BSN: variants seen among roughly 807,000 people sequenced by gnomAD.
The protein encoded by BSN is protein bassoon.
BSN carries 57 observed loss-of-function variants against 264.8 expected under a neutral mutation model. The observed-to-expected ratio is 0.22, with a 90% confidence interval of 0.17 to 0.27. BSN has a LOEUF of 0.27. Ranked by LOEUF, BSN falls within the 10% of genes least tolerant of loss-of-function variation. The probability of loss-of-function intolerance (pLI) is 1.00; values close to 1 mark genes in which losing one functional copy is unlikely to be tolerated. For missense variants in BSN, 4,615 were observed against 5,232.5 expected (o/e 0.88, Z 3.64); for synonymous variants, 2,059 against 2,137.3 (o/e 0.96, Z 1.01).
At position 49,653,174 on chromosome 3, in the gene BSN, A is replaced by C; in HGVS notation, c.3618A>C (p.Ala1206=). 7.4e-6 allele frequency: 12 copies of C among 1,612,118 alleles called. No individual in the cohort carries two copies. Among genetic ancestry groups the C allele is most frequent in the Non-Finnish European group, 1.0e-5 (12 of 1,179,634 alleles). ...ELLQRQQGQA[A]GARGPHGGPS... The stretch of plus-strand genomic sequence containing the variant: ...TCCAGAGGCAGCAAGGCCAGGCAGC[A>C]GGGGCCCGGGGACCCCATGGCGGCC... Residue 1206 remains alanine, a synonymous_variant, in exon 5 of 12, where the codon GCA becomes GCC. Transcript: ENST00000296452. This position sits in a 1 kb window ranked among gnomAD's most constrained non-coding sequence, Gnocchi z 6.3.
At chr3:49,628,021 C>G (rs572619607) in intron 2 of BSN, among the ~76,000 whole-genome samples, 32 of 152,296 alleles carry the variant, frequency 2.1e-4, no homozygotes, top group Non-Finnish European at 4.1e-4. Context: ...GGCGTGTCGG[C>G]AGGATGCGTT....
chr3:49,577,161 A>G (rs141910402), intron 1 of BSN, among the ~76,000 whole-genome samples: 2 of 152,278 alleles, frequency 1.3e-5, no homozygotes, highest in Non-Finnish European at 2.9e-5. Flanking sequence ...GCTACTAATT[A>G]TGTCCTGCTC....
At chr3:49,607,043 T>C (rs1183644767) in intron 1 of BSN, among the ~76,000 whole-genome samples, 1 of 152,148 alleles carries the variant, frequency 6.6e-6, no homozygotes, top group Admixed American at 6.5e-5. Flanking sequence ...CAGACCCCCA[T>C]GCACTTGCCT....
In BSN at chr3:49,669,335, C is replaced by G. The variant is rs746898167; in HGVS notation, c.*1850C>G. On this transcript the variant is annotated 3_prime_UTR_variant, in exon 12 of 12. Transcript: ENST00000296452. The stretch of plus-strand genomic sequence containing the variant: ...GGTAAAAAGGAATCCCCAGAGCAGA[C>G]GCAATGGTAGGAGCCTGCACAGGAT... The G allele has an allele frequency of 6.5e-6, 1 of 152,692 alleles. No homozygotes were observed. Among genetic ancestry groups the G allele is most frequent in the Non-Finnish European group, 1.5e-5 (1 of 68,082 alleles). The allele number at this position is 152,692 out of a possible 1,614,324, so 9.5% of individuals were successfully genotyped here.
At chr3:49,604,601 T>TA (rs886662672) in intron 1 of BSN, among the ~76,000 whole-genome samples, 1 of 152,194 alleles carries the variant, frequency 6.6e-6, no homozygotes, top group African/African-American at 2.4e-5. Context: ...ACACTTTTTT[T>TA]ACCCATTCAT....
chr3:49,602,903 C>G lies in BSN; in HGVS notation c.225-22072C>G, dbSNP rs552329364. On this transcript the variant is annotated intron_variant, in intron 1 of 11. Coordinates refer to ENST00000296452, the MANE Select transcript of BSN (RefSeq NM_003458.4). ...CTCCTCTCTTCTGCACACTCTGCCCCTTCTTCAGATCACGCTCATGGGCAG... is the reference window on the plus strand; with the variant it reads ...CTCCTCTCTTCTGCACACTCTGCCCGTTCTTCAGATCACGCTCATGGGCAG... Among the ~76,000 whole-genome samples, 22 of 152,350 alleles carry G rather than the reference C, an allele frequency of 1.4e-4. No individual in the cohort carries two copies. The East Asian group carries it at 4.2e-3, about 29-fold the overall frequency.
chr3:49,641,231 C>T (rs1409899370), intron 2 of BSN, among the ~76,000 whole-genome samples: 1 of 152,274 alleles, frequency 6.6e-6, no homozygotes, highest in East Asian at 1.9e-4. Context: ...GGAATGAAGT[C>T]ATCAGATCTA....
At position 49,625,418 on chromosome 3, in the gene BSN, C is replaced by G; in HGVS notation, c.633+35C>G. ...TCTGCGCCGGCTCCCCACTCACCTG[C>G]TACCTCATTACCATACCTCCCCTGG... On this transcript the variant is annotated intron_variant, in intron 2 of 11. Coordinates refer to ENST00000296452, the MANE Select transcript of BSN (RefSeq NM_003458.4). The surrounding 1 kb of genome is among the most constrained non-coding windows in gnomAD (Gnocchi z 4.4). 1 of 1,434,670 alleles carries G rather than the reference C, an allele frequency of 7.0e-7. No homozygotes were observed. The highest frequency in any genetic ancestry group is 9.1e-7 in the Non-Finnish European group (1 of 1,096,210). The allele number at this position is 1,434,670 out of a possible 1,614,324, so 88.9% of individuals were successfully genotyped here.
chr3:49,614,325 C>T (rs567082093), intron 1 of BSN, among the ~76,000 whole-genome samples: 2 of 152,296 alleles, frequency 1.3e-5, no homozygotes, highest in Non-Finnish European at 2.9e-5. Flanking sequence ...TACCAAAGTG[C>T]TGGGATTACA....
At position 49,625,137 on chromosome 3, in the gene BSN, G is replaced by A; in HGVS notation, c.387G>A (p.Leu129=). 3.8e-6 allele frequency: 6 copies of A among 1,592,978 alleles called. No homozygotes were observed. Among genetic ancestry groups the A allele is most frequent in the Non-Finnish European group, 5.1e-6 (6 of 1,169,356 alleles). The change falls in exon 2 of 12, where the codon CTG becomes CTA. Residue 129 remains leucine, a synonymous_variant. Transcript: ENST00000296452. This position sits in a 1 kb window ranked among gnomAD's most constrained non-coding sequence, Gnocchi z 4.4. ...AGGCTGATGGTCCCCGCAGGACGCT[G>A]CAGGTAGACAGCAGGACACAGAGAT... ...GQEADGPRRT[L]QVDSRTQRSG...
At position 49,656,519 on chromosome 3, in the gene BSN, G is replaced by T; in HGVS notation, c.6963G>T (p.Glu2321Asp). 1 of 1,576,404 alleles carries T rather than the reference G, an allele frequency of 6.3e-7. No homozygotes were observed. Among genetic ancestry groups the T allele is most frequent in the Non-Finnish European group, 8.6e-7 (1 of 1,160,584 alleles). Residue 2321 changes from glutamate (E) to aspartate (D), a missense_variant, in exon 5 of 12, where the codon GAG becomes GAT. Glu to Asp is a conservative substitution (Grantham distance 45). Transcript: ENST00000296452. ...LPTTTPAAIK[E>D]AAGAPAPAPL... Reference sequence around the variant, plus strand: ...CAACCACCCCTGCTGCCATCAAGGAGGCTGCAGGAGCCCCAGCTCCTGCCC... The same window carrying T: ...CAACCACCCCTGCTGCCATCAAGGATGCTGCAGGAGCCCCAGCTCCTGCCC...
Position 49,669,119 on chromosome 3 carries a change from C to G in BSN, c.*1634C>G, listed in dbSNP as rs2052734621. The G allele has an allele frequency of 6.6e-6, 1 of 152,588 alleles. No individual in the cohort carries two copies. Among genetic ancestry groups the G allele is most frequent in the Non-Finnish European group, 1.5e-5 (1 of 68,052 alleles). 9.5% of individuals were successfully genotyped at this position (152,588 alleles called of 1,614,324 possible). ...TCGCAGCCTCTTTGCACGATTTCAT[C>G]CATTTTAAATGCTTGACCCTCTTGC... On this transcript the variant is annotated 3_prime_UTR_variant, in exon 12 of 12. Transcript: ENST00000296452.
chr3:49,641,671 AG>A, intron 2 of BSN: 1 of 152,136 alleles, frequency 6.6e-6, no homozygotes, highest in Non-Finnish European at 1.5e-5. Flanking sequence ...TTCATTCTGT[AG>A]TATCTTGTTT....
chr3:49,633,518 G>A (rs1021728773), intron 2 of BSN, among the ~76,000 whole-genome samples: 4 of 152,028 alleles, frequency 2.6e-5, no homozygotes, highest in Non-Finnish European at 4.4e-5. Context: ...AAACAGTATG[G>A]CAGTTCCTCA....
Position 49,655,568 on chromosome 3 carries a change from C to G in BSN, c.6012C>G (p.Leu2004=). ...ACCATGCCCAGAGGATCGGGCAGCT[C>G]TTCCAGGGTCCTGGACGAGACTCGG... ...LNYHAQRIGQ[L]FQGPGRDSAM... The change falls in exon 5 of 12, where the codon CTC becomes CTG. Residue 2004 remains leucine, a synonymous_variant. Transcript: ENST00000296452. The G allele has an allele frequency of 6.2e-7, 1 of 1,613,546 alleles. No individual in the cohort carries two copies. Among genetic ancestry groups the G allele is most frequent in the Non-Finnish European group, 8.5e-7 (1 of 1,179,922 alleles).
chr3:49,615,165 C>G (rs1269250732), intron 1 of BSN, among the ~76,000 whole-genome samples: 1 of 152,212 alleles, frequency 6.6e-6, no homozygotes, highest in Non-Finnish European at 1.5e-5. Flanking sequence ...ACAGGCTGGC[C>G]TGGAACAAAT....
At position 49,661,129 on chromosome 3, in the gene BSN, C is replaced by G; in HGVS notation, c.9284C>G (p.Pro3095Arg). Residue 3095 changes from proline (P) to arginine (R), a missense_variant, in exon 6 of 12, where the codon CCT (proline) becomes CGT (arginine). Pro to Arg is a moderately radical substitution (Grantham distance 103, BLOSUM62 -2). Around this residue, in one of 3 missense-constraint regions of BSN, gnomAD observed 3,415 missense variants for 3,866.4 expected, o/e 0.88. Coordinates refer to ENST00000296452, the MANE Select transcript of BSN (RefSeq NM_003458.4). ...GPSTYPAPAF[P>R]PGASYPAEPG... ...AGCACGTACCCAGCTCCTGCCTTTC[C>G]TCCTGGTGCCAGTTACCCAGCTGAG... is the stretch of plus-strand genomic sequence containing the variant. The G allele has an allele frequency of 6.2e-7, 1 of 1,612,928 alleles. No individual in the cohort carries two copies. Among genetic ancestry groups the G allele is most frequent in the Non-Finnish European group, 8.5e-7 (1 of 1,179,912 alleles).
intron 1 of BSN, among the ~76,000 whole-genome samples, chr3:49,613,734 C>T (rs2052231583): frequency 6.6e-6 from 1 of 151,732 alleles, no homozygotes; most frequent in African/African-American, 2.4e-5. Context: ...TCTCAAACTC[C>T]TGACTTCAAG....
Position 49,656,694 on chromosome 3 carries a change from G to A in BSN, c.7138G>A (p.Val2380Met), listed in dbSNP as rs1174215421. 4 of 1,589,982 alleles carry A rather than the reference G, an allele frequency of 2.5e-6. No homozygotes were observed. In the Admixed American group the frequency reaches 5.4e-5, roughly 21 times the overall value. Residue 2380 changes from valine (V) to methionine (M), a missense_variant, in exon 5 of 12, where the codon GTG (valine) becomes ATG (methionine). Val to Met is a conservative substitution (Grantham distance 21). Around this residue, in one of 3 missense-constraint regions of BSN, gnomAD observed 3,415 missense variants for 3,866.4 expected, o/e 0.88. Transcript: ENST00000296452. ...GCTGCTCCAGCTAGAGCGGGAGCGG[G>A]TGGAGTTGGAGAAGCTGCGACAACT... ...EQLLQLERERVELEKLRQLRL... is the reference protein window; with the variant it reads ...EQLLQLERERMELEKLRQLRL...
Sources: allele counts gnomAD v4.1 joint callset (sites outside exome capture counted in the v4.1 genomes callset), GRCh38; gene constraint gnomAD v4.1.1; regional missense constraint gnomAD v4.1.1; non-coding constraint Gnocchi (gnomAD v3.1); transcripts MANE v1.5; gene names NCBI Gene and HGNC (gene_info 2026-07-23, HGNC 2026-07-21).